Variants in TNS1 observed in about 807,000 individuals in gnomAD.
The protein encoded by TNS1 is tensin-1.
A neutral mutation model predicts 168.6 loss-of-function variants in TNS1; 62 were observed. The observed-to-expected ratio is 0.37, with a 90% CI of 0.30 to 0.45. The LOEUF (loss-of-function observed/expected upper bound fraction) is 0.45. Ranked by LOEUF, TNS1 falls within the 20% of genes least tolerant of loss-of-function variation. The pLI is 1.00. For missense variants in TNS1, 2,240 were observed against 2,339.4 expected (o/e 0.96, Z 0.88); for synonymous variants, 934 against 933.2 (o/e 1.00, Z -0.02).
chr2:217,918,809 G>A (rs16858462), intron 4 of TNS1, among the ~76,000 whole-genome samples: 4 of 136,966 alleles, frequency 2.9e-5, no homozygotes, highest in African/African-American at 1.1e-4. Flanking sequence ...GCGATTTCTT[G>A]CTGGCAGTTC....
At chr2:217,998,884 C>T (rs1343234287) in intron 1 of TNS1, among the ~76,000 whole-genome samples, 1 of 152,180 alleles carries the variant, frequency 6.6e-6, no homozygotes, top group African/African-American at 2.4e-5. Context: ...TTAGGTCCCC[C>T]TTACATCCCC....
At chr2:217,931,458 T>G (rs1322894464) in intron 3 of TNS1, among the ~76,000 whole-genome samples, 2 of 152,128 alleles carry the variant, frequency 1.3e-5, no homozygotes, top group Non-Finnish European at 1.5e-5. Context: ...CACGGGGACA[T>G]GTGAGGGTAG....
At chr2:217,829,761 C>A in intron 22 of TNS1, 1 of 1,519,186 alleles carries the variant, frequency 6.6e-7, no homozygotes, top group African/African-American at 1.4e-5. Context: ...AAGAGAGCTG[C>A]CTCCAGCCAG....
chr2:217,981,199 C>A (rs1958039456), intron 2 of TNS1, among the ~76,000 whole-genome samples: 1 of 152,244 alleles, frequency 6.6e-6, no homozygotes, highest in African/African-American at 2.4e-5. Context: ...CCTGGGCAGA[C>A]CAGCCCCAGG....
chr2:217,845,918 T>C (rs1946583674), intron 19 of TNS1, among the ~76,000 whole-genome samples: 1 of 152,114 alleles, frequency 6.6e-6, no homozygotes, highest in African/African-American at 2.4e-5. Context: ...GTGTCACTAA[T>C]CTTTAGGCCA....
In TNS1 at chr2:217,805,896, A is replaced by ACACACACACACT. The variant is rs1237755345; in HGVS notation, c.5376-1294_5376-1293insAGTGTGTGTGTG. 2.6e-5 allele frequency among the ~76,000 whole-genome samples: 4 copies of ACACACACACACT among 151,190 alleles called. No individual in the cohort carries two copies. The East Asian group carries it at 7.9e-4, about 30-fold the overall frequency. ...ACATATACACACACCACACACACAC[A>ACACACACACACT]CACACACACACACATAATCCAGCAT... is the stretch of plus-strand genomic sequence containing the variant. On this transcript the variant is annotated intron_variant, in intron 32 of 32. Coordinates refer to ENST00000682258, the MANE Select transcript of TNS1 (RefSeq NM_001387777.1).
upstream of TNS1, among the ~76,000 whole-genome samples, chr2:218,007,572 G>GC (rs1450218757): frequency 7.8e-6 from 1 of 127,670 alleles, no homozygotes; most frequent in Non-Finnish European, 1.7e-5. Context: ...GGGGTGGGGG[G>GC]GGGGGTTCAG....
Position 217,847,164 on chromosome 2 carries a change from T to A in TNS1, c.3007+346A>T, listed in dbSNP as rs189869128. Among the ~76,000 whole-genome samples, 32 of 152,346 alleles carry A rather than the reference T, an allele frequency of 2.1e-4. No individual in the cohort carries two copies. In the South Asian group the frequency reaches 2.9e-3, roughly 14 times the overall value. On this transcript the variant is annotated intron_variant, in intron 19 of 32. Coordinates refer to ENST00000682258, the MANE Select transcript of TNS1 (RefSeq NM_001387777.1). ...GGAAGCTTTCCCTGACTGCCCTAGG[T>A]GGTAAGCTTTGCTTTCCCAGGCTCT... is the stretch of plus-strand genomic sequence containing the variant.
chr2:217,848,124 T>C lies in TNS1; in HGVS notation c.2393A>G (p.Glu798Gly). ...PPRQQERAHLESLVASRPSPQ... is the reference protein window; with the variant it reads ...PPRQQERAHLGSLVASRPSPQ... ...GCTGGGCCTGCTGGCTACAAGACTC[T>C]CCAAGTGGGCTCTTTCCTGCTGGCG... The change falls in exon 19 of 33, where the codon GAG becomes GGG. Residue 798 changes from glutamate to glycine, a missense_variant. Physicochemically the swap from Glu to Gly is moderately conservative, Grantham distance 98 (BLOSUM62 -2). Coordinates refer to ENST00000682258, the MANE Select transcript of TNS1 (RefSeq NM_001387777.1). 6.3e-7 allele frequency: 1 copy of C among 1,589,690 alleles called. No individual in the cohort carries two copies. Among genetic ancestry groups the C allele is most frequent in the African/African-American group, 1.3e-5 (1 of 74,416 alleles).
chr2:217,819,052 A>T (rs1359433247), intron 23 of TNS1, among the ~76,000 whole-genome samples: 1 of 151,948 alleles, frequency 6.6e-6, no homozygotes, highest in Non-Finnish European at 1.5e-5. Context: ...CACCATGCTC[A>T]CTCCTGAGCC....
intron 6 of TNS1, among the ~76,000 whole-genome samples, chr2:217,901,369 T>C (rs1952953026): frequency 6.6e-6 from 1 of 152,248 alleles, no homozygotes; most frequent in South Asian, 2.1e-4. Context: ...TATAAGGCAC[T>C]TCGCATCATG....
At position 217,983,359 on chromosome 2, in the gene TNS1, C is replaced by T. The variant is rs149211994; in HGVS notation, c.149-4557G>A. Among the ~76,000 whole-genome samples, 1,021 of 152,300 alleles carry T rather than the reference C, an allele frequency of 6.7e-3. 27 individuals carry two copies. The highest frequency in any genetic ancestry group is 0.056 in the Admixed American group (864 of 15,294). ...CGTATGCACCCTCCTGAGCCAGTGACCCTGTCCAACCGGAGCTCCATGGAG... is the reference window on the plus strand; with the variant it reads ...CGTATGCACCCTCCTGAGCCAGTGATCCTGTCCAACCGGAGCTCCATGGAG... On this transcript the variant is annotated intron_variant, in intron 2 of 32. Transcript: ENST00000682258.
chr2:217,970,385 C>T (rs1957748052), intron 3 of TNS1, among the ~76,000 whole-genome samples: 1 of 152,186 alleles, frequency 6.6e-6, no homozygotes, highest in Admixed American at 6.5e-5. Context: ...CTCCACAATT[C>T]CACTCCCAAC....
chr2:218,025,453 C>G (rs183174779), intron 1 of TNS1, among the ~76,000 whole-genome samples: 99 of 152,156 alleles, frequency 6.5e-4, no homozygotes, highest in Admixed American at 1.2e-3. Flanking sequence ...TTTTACCATC[C>G]TGGCCAGGCT....
intron 22 of TNS1, among the ~76,000 whole-genome samples, chr2:217,828,307 G>A (rs556769879): frequency 7.2e-5 from 11 of 152,318 alleles, no homozygotes; most frequent in Non-Finnish European, 1.5e-4. Context: ...AAAGTCTTCT[G>A]GGAAACTCCA....
At chr2:217,919,929 G>A (rs541934412) in intron 4 of TNS1, among the ~76,000 whole-genome samples, 1 of 152,330 alleles carries the variant, frequency 6.6e-6, no homozygotes, top group South Asian at 2.1e-4. Context: ...GGCCAGGCCT[G>A]GAGACACACA....
upstream of TNS1, among the ~76,000 whole-genome samples, chr2:218,013,058 G>A (rs924051419): frequency 6.6e-6 from 1 of 151,502 alleles, no homozygotes; most frequent in African/African-American, 2.4e-5. Flanking sequence ...AACCAGCCTG[G>A]CCAACGTGGT....
In TNS1 at chr2:217,812,462, G is replaced by A. The variant is rs746337532; in HGVS notation, c.4955-17C>T. On this transcript the variant is annotated splice_polypyrimidine_tract_variant and intron_variant, in intron 27 of 32. Coordinates refer to ENST00000682258, the MANE Select transcript of TNS1 (RefSeq NM_001387777.1). ...ACAGCGATCCTGTAGGGAGGCAGAC[G>A]GCATGTCATGGGCAGTGATACTGGA... 8.1e-6 allele frequency: 13 copies of A among 1,611,316 alleles called. No individual in the cohort carries two copies. The East Asian group carries it at 1.1e-4, about 14-fold the overall frequency.
At chr2:217,851,855 A>G (rs987923167) in intron 18 of TNS1, among the ~76,000 whole-genome samples, 1 of 152,172 alleles carries the variant, frequency 6.6e-6, no homozygotes, top group African/African-American at 2.4e-5. Flanking sequence ...ATAAAAGAAG[A>G]GACCTCAGCC....
Sources: allele counts gnomAD v4.1 joint callset (sites outside exome capture counted in the v4.1 genomes callset), GRCh38; gene constraint gnomAD v4.1.1; transcripts MANE v1.5; gene names NCBI Gene and HGNC (gene_info 2026-07-23, HGNC 2026-07-21).